The following STARD3NL variants were observed in gnomAD, a reference collection of about 807,000 sequenced individuals.
STARD3NL encodes the protein STARD3 N-terminal like.
STARD3NL carries 17 observed loss-of-function variants against 30.9 expected under a neutral mutation model. That is an observed-to-expected ratio of 0.55 (90% confidence interval 0.38 to 0.82). The LOEUF (loss-of-function observed/expected upper bound fraction) is 0.82. STARD3NL is among the 40% of genes least tolerant of loss of function. STARD3NL has a pLI of 0.00. For missense variants in STARD3NL, 234 were observed against 277.6 expected, an observed-to-expected ratio of 0.84 and a Z score of 1.12; for synonymous variants, 112 against 100.5, an observed-to-expected ratio of 1.11 and a Z score of -0.69.
rs564569560 is a variant in STARD3NL at position 38,219,250 on chromosome 7, T to C, written c.554-315T>C. 2.0e-5 allele frequency among the ~76,000 whole-genome samples: 3 copies of C among 152,308 alleles called. No individual in the cohort carries two copies. In the South Asian group the frequency reaches 6.2e-4, roughly 32 times the overall value. On this transcript the variant is annotated intron_variant, in intron 6 of 8. Transcript: ENST00000009041. Reference sequence around the variant, plus strand: ...TTTATAGAGACAGGGTCTTGCTATGTTGCCCAGGCTGGTCTCAAACTCCTG... The same window carrying C: ...TTTATAGAGACAGGGTCTTGCTATGCTGCCCAGGCTGGTCTCAAACTCCTG...
rs530594582 is a variant in STARD3NL, at chr7:38,226,677, G to A, written c.650-2122G>A. On this transcript the variant is annotated intron_variant, in intron 7 of 8. Transcript: ENST00000009041. ...TCCTCTGTGCATGGAGACAACACCA[G>A]CTGGGCATATGCTTGTCCCAGTGGT... Among the ~76,000 whole-genome samples the A allele has an allele frequency of 2.0e-5, 3 of 152,354 alleles. No homozygotes were observed. The East Asian group carries it at 5.8e-4, about 29-fold the overall frequency.
intron 4 of STARD3NL, 151 bp downstream of exon 4, chr7:38,215,256 G>A (rs1786037702): frequency 4.7e-6 from 3 of 644,830 alleles, no homozygotes; most frequent in Non-Finnish European, 5.3e-6. Context: ...ACTTAAGTAG[G>A]TTTAATACTC....
intron 2 of STARD3NL, among the ~76,000 whole-genome samples, chr7:38,209,441 G>A (rs888474856): frequency 6.6e-6 from 1 of 151,848 alleles, no homozygotes; most frequent in Non-Finnish European, 1.5e-5. Context: ...ACACCATCAC[G>A]CCTTGCTAAT....
At chr7:38,182,141 G>C (rs560766907) in intron 1 of STARD3NL, among the ~76,000 whole-genome samples, 1 of 152,216 alleles carries the variant, frequency 6.6e-6, no homozygotes, top group South Asian at 2.1e-4. Context: ...GACAATTTGT[G>C]TTATATACGT....
chr7:38,185,706 G>T (rs544494610), intron 1 of STARD3NL, among the ~76,000 whole-genome samples: 9 of 152,312 alleles, frequency 5.9e-5, no homozygotes, highest in African/African-American at 1.4e-4. Context: ...ATGAATAGCT[G>T]TGCTGGCTTT....
Position 38,217,089 on chromosome 7 carries a change from C to T in STARD3NL, c.435+11C>T, listed in dbSNP as rs745362639. The T allele has an allele frequency of 1.5e-5, 24 of 1,613,944 alleles. No homozygotes were observed. Among genetic ancestry groups the T allele is most frequent in the Non-Finnish European group, 1.9e-5 (22 of 1,179,952 alleles). On this transcript the variant is annotated intron_variant, in intron 5 of 8. Coordinates refer to ENST00000009041, the MANE Select transcript of STARD3NL (RefSeq NM_032016.4). ...GTGATCCTTTCGAAGGTATGGCCTA[C>T]CACTTTTTCTATACAGTTACCATCT...
In STARD3NL at chr7:38,220,055, G is replaced by A. The variant is rs542259715; in HGVS notation, c.649+395G>A. Among the ~76,000 whole-genome samples, 72 of 152,216 alleles carry A rather than the reference G, an allele frequency of 4.7e-4. No individual in the cohort carries two copies. The Middle Eastern group carries it at 0.01, about 22-fold the overall frequency. On this transcript the variant is annotated intron_variant, in intron 7 of 8. Coordinates refer to ENST00000009041, the MANE Select transcript of STARD3NL (RefSeq NM_032016.4). Reference sequence around the variant, plus strand: ...AGAGCCTCACTGTTGGCTTCACCCCGTTCTTATGGCTCACATCTCATCATT... The same window carrying A: ...AGAGCCTCACTGTTGGCTTCACCCCATTCTTATGGCTCACATCTCATCATT...
At chr7:38,180,055 ATCCCATGTGAGCCT>A (rs1784186134) in intron 1 of STARD3NL, among the ~76,000 whole-genome samples, 5 of 152,232 alleles carry the variant, frequency 3.3e-5, no homozygotes, top group Admixed American at 2.6e-4. Context: ...ATCATCTTGT[ATCCCATGTGAGCCT>A]TACAGGCAGG....
chr7:38,203,020 G>A (rs1285806091), intron 1 of STARD3NL, among the ~76,000 whole-genome samples: 1 of 122,280 alleles, frequency 8.2e-6, no homozygotes, highest in African/African-American at 2.8e-5. Flanking sequence ...TGTGAATAGT[G>A]CTGCAATAAA....
chr7:38,220,987 C>T (rs1253460950), intron 7 of STARD3NL, among the ~76,000 whole-genome samples: 3 of 152,056 alleles, frequency 2.0e-5, no homozygotes, highest in Non-Finnish European at 4.4e-5. Flanking sequence ...AGAATTCTGA[C>T]ACATACTATA....
intron 2 of STARD3NL, among the ~76,000 whole-genome samples, chr7:38,210,001 A>G (rs1205045436): frequency 1.3e-5 from 2 of 152,234 alleles, no homozygotes; most frequent in African/African-American, 2.4e-5. Context: ...GAACATCAGG[A>G]CTTTTTTTAG....
chr7:38,187,160 T>C (rs1407131978), intron 1 of STARD3NL, among the ~76,000 whole-genome samples: 1 of 152,214 alleles, frequency 6.6e-6, no homozygotes, highest in African/African-American at 2.4e-5. Flanking sequence ...GCTAGTGAAA[T>C]AACTGACTAC....
chr7:38,194,542 T>C (rs1265537616), intron 1 of STARD3NL, among the ~76,000 whole-genome samples: 1 of 152,162 alleles, frequency 6.6e-6, no homozygotes, highest in East Asian at 1.9e-4. Context: ...TTAAAAGTAG[T>C]AAATTACTTT....
intron 8 of STARD3NL, among the ~76,000 whole-genome samples, chr7:38,229,369 C>T (rs1350694258): frequency 2.0e-5 from 3 of 152,256 alleles, no homozygotes; most frequent in African/African-American, 7.2e-5. Flanking sequence ...TGGGACATTT[C>T]TCAAGGATTT....
intron 4 of STARD3NL, chr7:38,216,477 G>GTGTGTA (rs1475947186): frequency 2.0e-5 from 3 of 152,836 alleles, no homozygotes; most frequent in African/African-American, 7.3e-5. Flanking sequence ...GTGTGTGTGT[G>GTGTGTA]TGTGTGAGTG....
At chr7:38,184,291 C>G (rs1438318763) in intron 1 of STARD3NL, among the ~76,000 whole-genome samples, 1 of 152,076 alleles carries the variant, frequency 6.6e-6, no homozygotes, top group Non-Finnish European at 1.5e-5. Context: ...GGGGCAAAGG[C>G]AGGATGGCGA....
chr7:38,184,149 A>G (rs868201048), intron 1 of STARD3NL, among the ~76,000 whole-genome samples: 5 of 152,336 alleles, frequency 3.3e-5, no homozygotes, highest in African/African-American at 1.2e-4. Flanking sequence ...TATATTATAC[A>G]TACGTGGTCA....
intron 7 of STARD3NL, among the ~76,000 whole-genome samples, chr7:38,222,007 C>T (rs368157749): frequency 9.8e-5 from 15 of 152,318 alleles, no homozygotes; most frequent in East Asian, 7.7e-4. Flanking sequence ...TCTTTGGAAC[C>T]TCTTCCACAG....
intron 1 of STARD3NL, among the ~76,000 whole-genome samples, chr7:38,206,543 T>G (rs1335175662): frequency 2.0e-5 from 3 of 152,214 alleles, no homozygotes; most frequent in Non-Finnish European, 2.9e-5. Context: ...AAGTGCCCTC[T>G]GGTCTTGAGG....
Sources: gnomAD v4.1 joint callset for allele counts (sites outside exome capture counted in the v4.1 genomes callset) on GRCh38, gnomAD v4.1.1 for gene constraint, MANE v1.5 for transcripts, NCBI Gene and HGNC (gene_info 2026-07-23, HGNC 2026-07-21) for gene names.